DAB1: variants seen among roughly 807,000 people sequenced by gnomAD.
The protein encoded by DAB1 is DAB adaptor protein 1, also known as disabled homolog 1.
DAB1 carries 15 observed loss-of-function variants against 64.6 expected under a neutral mutation model. That is an observed-to-expected ratio of 0.23 (90% confidence interval 0.16 to 0.36). DAB1 has a LOEUF of 0.36. Ranked by LOEUF, DAB1 falls within the 10% of genes least tolerant of loss-of-function variation. The pLI, the probability that DAB1 is intolerant of heterozygous loss-of-function variation, is 1.00. For missense variants in DAB1, 596 were observed against 706.7 expected, an observed-to-expected ratio of 0.84 and a Z score of 1.78; for synonymous variants, 235 against 251.9, an observed-to-expected ratio of 0.93 and a Z score of 0.64.
At chr1:57,833,784 A>G (rs1652693548) in intron 1 of DAB1, among the ~76,000 whole-genome samples, 1 of 152,180 alleles carries the variant, frequency 6.6e-6, no homozygotes, top group African/African-American at 2.4e-5. Flanking sequence ...TGGATGACAA[A>G]AAGTCATCAA....
intron 6 of DAB1, among the ~76,000 whole-genome samples, chr1:57,670,619 T>C (rs1028550992): frequency 1.3e-5 from 2 of 152,120 alleles, no homozygotes; most frequent in South Asian, 4.1e-4. Context: ...GTTGGAAAGA[T>C]GAAGAAAAGG....
intron 5 of DAB1, among the ~76,000 whole-genome samples, chr1:58,130,626 T>C (rs1487415953): frequency 6.6e-6 from 1 of 152,116 alleles, no homozygotes; most frequent in Non-Finnish European, 1.5e-5. Flanking sequence ...TAGTCCTTCC[T>C]TCAGGAGCTC....
At chr1:57,676,934 A>C (rs934305047) in intron 6 of DAB1, among the ~76,000 whole-genome samples, 2 of 152,210 alleles carry the variant, frequency 1.3e-5, no homozygotes, top group African/African-American at 4.8e-5. Flanking sequence ...GCTATGGATT[A>C]AACTGCGTTC....
At chr1:57,460,477 A>G (rs1389957960) in intron 7 of DAB1, among the ~76,000 whole-genome samples, 1 of 152,184 alleles carries the variant, frequency 6.6e-6, no homozygotes, top group African/African-American at 2.4e-5. Context: ...CATCAAGGCC[A>G]AATGTGAGCT....
At chr1:58,476,426 C>T (rs955679273) in intron 3 of DAB1, among the ~76,000 whole-genome samples, 8 of 152,118 alleles carry the variant, frequency 5.3e-5, no homozygotes, top group African/African-American at 1.9e-4. Flanking sequence ...ACACACCAAC[C>T]CTTCAAGACA....
chr1:57,647,789 C>G (rs577165987), intron 7 of DAB1, among the ~76,000 whole-genome samples: 1 of 152,222 alleles, frequency 6.6e-6, no homozygotes, highest in African/African-American at 2.4e-5. Flanking sequence ...ATAAATCATC[C>G]AACAGAGGCT....
chr1:57,540,214 T>C (rs956563631), intron 7 of DAB1, among the ~76,000 whole-genome samples: 5 of 152,184 alleles, frequency 3.3e-5, no homozygotes, highest in Admixed American at 2.0e-4. Flanking sequence ...TAACTAATCA[T>C]TAGGGAAATG....
chr1:58,054,146 A>G (rs1239779257), intron 5 of DAB1, among the ~76,000 whole-genome samples: 3 of 152,230 alleles, frequency 2.0e-5, no homozygotes, highest in African/African-American at 7.2e-5. Context: ...ACAGATAAAG[A>G]CGCTAAGTCT....
chr1:57,145,942 G>T (rs1455118916), intron 2 of DAB1, among the ~76,000 whole-genome samples: 1 of 152,184 alleles, frequency 6.6e-6, no homozygotes, highest in Non-Finnish European at 1.5e-5. Context: ...ATTACCTGAG[G>T]ACAGTTATCA....
intron 4 of DAB1, among the ~76,000 whole-genome samples, chr1:58,269,164 C>T (rs953651027): frequency 7.5e-6 from 1 of 134,004 alleles, no homozygotes; most frequent in Non-Finnish European, 1.6e-5. Flanking sequence ...TCCCTCCCCC[C>T]TCCCCCGACC....
intron 5 of DAB1, among the ~76,000 whole-genome samples, chr1:58,064,177 G>C (rs150321623): frequency 5.3e-5 from 8 of 152,262 alleles, no homozygotes; most frequent in Admixed American, 5.2e-4. Flanking sequence ...ACGGGGCCTC[G>C]TAGCGCACAT....
chr1:58,221,141 C>T (rs1057159696), intron 4 of DAB1, among the ~76,000 whole-genome samples: 1 of 151,800 alleles, frequency 6.6e-6, no homozygotes, highest in African/African-American at 2.4e-5. Context: ...CATGCACATC[C>T]ATATACACAT....
chr1:57,129,382 C>T (rs1469128663), intron 4 of DAB1, among the ~76,000 whole-genome samples: 2 of 152,024 alleles, frequency 1.3e-5, no homozygotes, highest in Non-Finnish European at 2.9e-5. Flanking sequence ...ACTAACCACA[C>T]AGAGACCCAA....
intron 7 of DAB1, among the ~76,000 whole-genome samples, chr1:57,645,682 T>C (rs1384914180): frequency 2.0e-5 from 3 of 152,214 alleles, no homozygotes; most frequent in African/African-American, 4.8e-5. Context: ...AAAGTATTAT[T>C]GCTACCTTCA....
intron 5 of DAB1, among the ~76,000 whole-genome samples, chr1:58,059,298 G>C (rs998190981): frequency 6.6e-6 from 1 of 152,186 alleles, no homozygotes; most frequent in Admixed American, 6.5e-5. Flanking sequence ...TAGTCATAGG[G>C]AAGTCACTGC....
At chr1:57,243,055 TC>T (rs1200749034) in intron 2 of DAB1, among the ~76,000 whole-genome samples, 2 of 152,188 alleles carry the variant, frequency 1.3e-5, no homozygotes, top group East Asian at 3.9e-4. Context: ...CACTGGAGGG[TC>T]CTAAAGCGGA....
intron 1 of DAB1, among the ~76,000 whole-genome samples, chr1:58,535,816 A>G (rs1313363907): frequency 2.0e-5 from 3 of 152,114 alleles, no homozygotes; most frequent in Non-Finnish European, 4.4e-5. Context: ...CTTCTAAATT[A>G]TAACTTAAAT....
chr1:58,543,487 G>C (rs1180423609), intron 1 of DAB1, among the ~76,000 whole-genome samples: 2 of 152,086 alleles, frequency 1.3e-5, no homozygotes, highest in Non-Finnish European at 2.9e-5. Context: ...CCTGGGCTCT[G>C]TGGTCTTATG....
At chr1:57,940,436 G>A (rs567048356) in intron 5 of DAB1, among the ~76,000 whole-genome samples, 6 of 152,296 alleles carry the variant, frequency 3.9e-5, no homozygotes, top group African/African-American at 1.2e-4. Context: ...AGAAAGGCAG[G>A]GCAGAGGTTC....
Sources: gnomAD v4.1 joint callset for allele counts (sites outside exome capture counted in the v4.1 genomes callset) on GRCh38, gnomAD v4.1.1 for gene constraint, MANE v1.5 for transcripts, NCBI Gene and HGNC (gene_info 2026-07-23, HGNC 2026-07-21) for gene names.